Variants in CELF2 observed in about 807,000 individuals in gnomAD.
CELF2 encodes CUGBP Elav-like family member 2, also known as CUG triplet repeat RNA-binding protein 2.
A neutral mutation model predicts 62.6 loss-of-function variants in CELF2; 8 were observed. The ratio of observed to expected loss-of-function variants is 0.13; its 90% CI spans 0.07 to 0.23. CELF2 has a LOEUF of 0.23. Among genes scored for constraint, CELF2 ranks in the 10% least tolerant of loss-of-function variants. The pLI, the probability that CELF2 is intolerant of heterozygous loss-of-function variation, is 1.00. For missense variants in CELF2, 333 were observed against 671.0 expected (o/e 0.50, Z 5.56); for synonymous variants, 258 against 250.0 (o/e 1.03, Z -0.30).
chr10:10,598,875 C>G, the CELF2 span, among the ~76,000 whole-genome samples: 2 of 149,850 alleles, frequency 1.3e-5, no homozygotes, highest in African/African-American at 4.9e-5. Flanking sequence ...GCCTCAGCCT[C>G]CCCGGTAGCT....
At position 11,046,593 on chromosome 10, in the gene CELF2, C is replaced by G. The variant is rs1056988173; in HGVS notation, c.74+28430C>G. Among the ~76,000 whole-genome samples, 2 of 152,130 alleles carry G rather than the reference C, an allele frequency of 1.3e-5. No homozygotes were observed. The highest frequency in any genetic ancestry group is 2.9e-5 in the Non-Finnish European group (2 of 68,026). On this transcript the variant is annotated intron_variant, in intron 1 of 12. Transcript: ENST00000633077. The surrounding 1 kb of genome is among the most constrained non-coding windows in gnomAD (Gnocchi z 4.6). Reference sequence around the variant, plus strand: ...CATGGCTTCTGTGGTCCCTGAAGTACGAGCTTTTTCATAGACTCCAAGGTT... The same window carrying G: ...CATGGCTTCTGTGGTCCCTGAAGTAGGAGCTTTTTCATAGACTCCAAGGTT...
At chr10:11,136,212 A>G (rs2060413047) in intron 1 of CELF2, among the ~76,000 whole-genome samples, 1 of 152,236 alleles carries the variant, frequency 6.6e-6, no homozygotes, top group Non-Finnish European at 1.5e-5. Context: ...AGTTCTCAGG[A>G]GAAAGGTACT....
intron 2 of CELF2, among the ~76,000 whole-genome samples, chr10:10,965,258 T>G (rs1427384967): frequency 6.6e-6 from 1 of 152,194 alleles, no homozygotes; most frequent in Non-Finnish European, 1.5e-5. Flanking sequence ...TACTGTCCTT[T>G]CAGTTTTCTG....
rs570378972 is a variant in CELF2 at position 11,328,653 on chromosome 10, A to G, written c.1439-273A>G. ...TCAGTAAGTGGAACTGAATTCAGCCAAACAATTGAGTCTGAGGTTTCAGTG... is the reference window on the plus strand; with the variant it reads ...TCAGTAAGTGGAACTGAATTCAGCCGAACAATTGAGTCTGAGGTTTCAGTG... On this transcript the variant is annotated intron_variant, in intron 12 of 12. Coordinates refer to ENST00000633077, the MANE Select transcript of CELF2 (RefSeq NM_001326342.2). This position sits in a 1 kb window ranked among gnomAD's most constrained non-coding sequence, Gnocchi z 6.4. 3.9e-5 allele frequency among the ~76,000 whole-genome samples: 6 copies of G among 152,366 alleles called. No homozygotes were observed. In the South Asian group the frequency reaches 8.3e-4, roughly 21 times the overall value.
chr10:10,530,028 C>T, the CELF2 span, among the ~76,000 whole-genome samples: 1 of 152,194 alleles, frequency 6.6e-6, no homozygotes, highest in Non-Finnish European at 1.5e-5. Flanking sequence ...ATTTTCCCCA[C>T]TCACCATTCC....
At chr10:11,203,868 T>C (rs1168119042) in intron 2 of CELF2, among the ~76,000 whole-genome samples, 1 of 152,238 alleles carries the variant, frequency 6.6e-6, no homozygotes, top group African/African-American at 2.4e-5. Context: ...ATAAGATTCA[T>C]TGATACTACA....
intron 2 of CELF2, among the ~76,000 whole-genome samples, chr10:10,963,300 C>A (rs981558362): frequency 6.6e-6 from 1 of 152,120 alleles, no homozygotes; most frequent in Non-Finnish European, 1.5e-5. Flanking sequence ...AGTGATCCAC[C>A]CACGTTGGCC....
At chr10:10,755,562 C>A in the CELF2 span, among the ~76,000 whole-genome samples, 1 of 152,300 alleles carries the variant, frequency 6.6e-6, no homozygotes, top group East Asian at 1.9e-4. Flanking sequence ...CAGCACCAGT[C>A]GCTCTACGAC....
At chr10:11,034,458 T>C (rs1364941765) in intron 1 of CELF2, among the ~76,000 whole-genome samples, 1 of 151,800 alleles carries the variant, frequency 6.6e-6, no homozygotes, top group Admixed American at 6.6e-5. Context: ...TAATTTTTAT[T>C]TTTTTTGCTG....
At chr10:11,209,758 C>G (rs1277195428) in intron 2 of CELF2, among the ~76,000 whole-genome samples, 2 of 148,606 alleles carry the variant, frequency 1.3e-5, no homozygotes, top group Non-Finnish European at 3.0e-5. Context: ...ACAAAATGCC[C>G]CACTTAGATC....
chr10:11,086,346 A>G (rs2046720876), intron 1 of CELF2, among the ~76,000 whole-genome samples: 2 of 151,986 alleles, frequency 1.3e-5, no homozygotes, highest in South Asian at 4.2e-4. Flanking sequence ...ACAGGAGTCC[A>G]AAGTGAGCTG....
At chr10:11,136,004 C>T (rs1478137702) in intron 1 of CELF2, among the ~76,000 whole-genome samples, 3 of 152,164 alleles carry the variant, frequency 2.0e-5, no homozygotes, top group Non-Finnish European at 4.4e-5. Context: ...CAAATATTTA[C>T]TGGTGGACTA....
At chr10:10,658,661 G>C in the CELF2 span, among the ~76,000 whole-genome samples, 1 of 152,144 alleles carries the variant, frequency 6.6e-6, no homozygotes, top group Non-Finnish European at 1.5e-5. Flanking sequence ...ATACAGAAAG[G>C]CATCTTCAGG....
chr10:10,611,092 C>T, the CELF2 span, among the ~76,000 whole-genome samples: 1 of 152,106 alleles, frequency 6.6e-6, no homozygotes, highest in Non-Finnish European at 1.5e-5. Flanking sequence ...TGGAGAGCAA[C>T]CCTGTAGTGG....
chr10:11,058,464 T>TTTTTG lies in CELF2; in HGVS notation c.74+40305_74+40306insGTTTT, dbSNP rs1564557528. Among the ~76,000 whole-genome samples, 3 of 143,970 alleles carry TTTTTG rather than the reference T, an allele frequency of 2.1e-5. 1 individual carries two copies. The allele number at this position is 143,970 out of a possible 152,430, so 94.4% of individuals were successfully genotyped here. A position where few individuals can be genotyped will look rare whatever the true frequency, so the allele number is the denominator to read the frequency against. On this transcript the variant is annotated intron_variant, in intron 1 of 12. Transcript: ENST00000633077. ...GTACTGTTGGTTTTTTTTGTTGGTT[T>TTTTTG]TTTTTTTTTTTTTTTTTTTTGTGAT...
chr10:11,202,221 A>T (rs982126168), intron 2 of CELF2, among the ~76,000 whole-genome samples: 4 of 152,148 alleles, frequency 2.6e-5, no homozygotes, highest in Admixed American at 1.3e-4. Flanking sequence ...TATAAGATTG[A>T]CTAGTAATGA....
chr10:10,909,514 C>T (rs1026181689), intron 1 of CELF2, among the ~76,000 whole-genome samples: 2 of 152,198 alleles, frequency 1.3e-5, no homozygotes, highest in African/African-American at 4.8e-5. Context: ...CCAGAACCTC[C>T]CGTGTTCCTT....
chr10:10,953,668 T>C (rs201073), intron 2 of CELF2, among the ~76,000 whole-genome samples: 85,990 of 151,984 alleles, frequency 0.57, 25,972 homozygotes, highest in East Asian at 0.8. Flanking sequence ...ATGGGAGAAT[T>C]CTTTCATGAT....
intron 1 of CELF2, among the ~76,000 whole-genome samples, chr10:10,883,726 G>A (rs1430633309): frequency 6.6e-6 from 1 of 152,148 alleles, no homozygotes; most frequent in African/African-American, 2.4e-5. Context: ...GAAAGTTGGG[G>A]AGAAAGATGG....
Sources: allele counts gnomAD v4.1 joint callset (sites outside exome capture counted in the v4.1 genomes callset), GRCh38; gene constraint gnomAD v4.1.1; non-coding constraint Gnocchi (gnomAD v3.1); transcripts MANE v1.5; gene names NCBI Gene and HGNC (gene_info 2026-07-23, HGNC 2026-07-21).